RTP3: variants seen among roughly 807,000 people sequenced by gnomAD.
The protein encoded by RTP3 is receptor transporter protein 3.
RTP3 carries 2 observed loss-of-function variants against 6.2 expected under a neutral mutation model. That is an observed-to-expected ratio of 0.32 (90% CI 0.13 to 1.02). The LOEUF (loss-of-function observed/expected upper bound fraction) is 1.02, where lower values mean the gene tolerates loss of function less well. Ranked by LOEUF, RTP3 falls within the 50% of genes least tolerant of loss-of-function variation. The pLI, the probability that RTP3 is intolerant of heterozygous loss-of-function variation, is 0.47. For missense variants in RTP3, 252 were observed against 280.8 expected (o/e 0.90, Z 0.73); for synonymous variants, 106 against 98.3 (o/e 1.08, Z -0.47).
At chr3:46,499,009 C>T (rs1354914697) in intron 1 of RTP3, among the ~76,000 whole-genome samples, 1 of 152,254 alleles carries the variant, frequency 6.6e-6, no homozygotes, top group Non-Finnish European at 1.5e-5. Flanking sequence ...CAGTGGACTT[C>T]TGCTCAGAAC....
At chr3:46,499,440 A>G (rs1170389289) in intron 1 of RTP3, among the ~76,000 whole-genome samples, 1 of 152,200 alleles carries the variant, frequency 6.6e-6, no homozygotes, top group African/African-American at 2.4e-5. Flanking sequence ...CCTCACGGCA[A>G]AGGGGCTGGG....
Position 46,500,865 on chromosome 3 carries a change from T to C in RTP3, c.665T>C (p.Val222Ala). 6.3e-7 allele frequency: 1 copy of C among 1,592,526 alleles called. No individual in the cohort carries two copies. Among genetic ancestry groups the C allele is most frequent in the Non-Finnish European group, 8.5e-7 (1 of 1,171,434 alleles). The change falls in exon 2 of 2, where the codon GTT becomes GCT. Residue 222 changes from valine (V) to alanine (A), a missense_variant. Val to Ala is a moderately conservative substitution (Grantham distance 64, BLOSUM62 0). Coordinates refer to ENST00000296142, the MANE Select transcript of RTP3 (RefSeq NM_031440.2). ...TTCTGCTGTTGTGTCATTCTCATTG[T>C]TATCGTGGTGATTGTTGTAAAAACT... is the stretch of plus-strand genomic sequence containing the variant. ...SIFCCCVILIVIVVIVVKTAI is the reference protein window; with the variant it reads ...SIFCCCVILIAIVVIVVKTAI
rs1703667478 is a variant in RTP3 at position 46,498,025 on chromosome 3, G to A, written c.-38G>A. ...CCACTACAGACCTGCCAGGGCCCAGGAGAGCTCGACCCACCCAGGCACACC... is the reference window on the plus strand; with the variant it reads ...CCACTACAGACCTGCCAGGGCCCAGAAGAGCTCGACCCACCCAGGCACACC... On this transcript the variant is annotated 5_prime_UTR_variant, in exon 1 of 2. Coordinates refer to ENST00000296142, the MANE Select transcript of RTP3 (RefSeq NM_031440.2). 3 of 1,612,642 alleles carry A rather than the reference G, an allele frequency of 1.9e-6. No homozygotes were observed. Among genetic ancestry groups the A allele is most frequent in the African/African-American group, 1.3e-5 (1 of 74,908 alleles).
rs764540036 is a variant in RTP3 at position 46,500,530 on chromosome 3, C to G, written c.330C>G (p.Asn110Lys). Residue 110 changes from asparagine to lysine, a missense_variant, in exon 2 of 2, where the codon AAC becomes AAG. Coordinates refer to ENST00000296142, the MANE Select transcript of RTP3 (RefSeq NM_031440.2). ...AGGACCCTGAGTTCACACAAGAGAA[C>G]ATCTCAAGGATCCTGAAAAACCTGG... ...LFEDPEFTQE[N>K]ISRILKNLVF... 9 of 1,614,220 alleles carry G rather than the reference C, an allele frequency of 5.6e-6. No individual in the cohort carries two copies. In the South Asian group the frequency reaches 9.9e-5, roughly 18 times the overall value.
At chr3:46,498,606 G>A (rs1292199962) in intron 1 of RTP3, among the ~76,000 whole-genome samples, 1 of 152,192 alleles carries the variant, frequency 6.6e-6, no homozygotes, top group Non-Finnish European at 1.5e-5. Flanking sequence ...ACGGCACTGA[G>A]CAGACACCCT....
chr3:46,500,575 A>T lies in RTP3; in HGVS notation c.375A>T (p.Lys125Asn). ...ACCTGGTGTTCCGAATTCTGAAGAA[A>T]TGCTATAGAGGAAGATTTCAGTTGA... ...LKNLVFRILK[K>N]CYRGRFQLIE... The change falls in exon 2 of 2, where the codon AAA (lysine) becomes AAT (asparagine). Residue 125 changes from lysine to asparagine, a missense_variant. Coordinates refer to ENST00000296142, the MANE Select transcript of RTP3 (RefSeq NM_031440.2). The T allele has an allele frequency of 1.2e-6, 2 of 1,614,230 alleles. No homozygotes were observed. The highest frequency in any genetic ancestry group is 1.7e-6 in the Non-Finnish European group (2 of 1,180,046).
chr3:46,499,910 G>A (rs1339385725), intron 1 of RTP3, among the ~76,000 whole-genome samples: 1 of 152,144 alleles, frequency 6.6e-6, no homozygotes, highest in Non-Finnish European at 1.5e-5. Context: ...GGCATTTGTG[G>A]ATTTCAGGGT....
Position 46,498,148 on chromosome 3 carries a change from C to G in RTP3, c.86C>G (p.Pro29Arg), listed in dbSNP as rs372668361. 6.2e-7 allele frequency: 1 copy of G among 1,614,208 alleles called. No homozygotes were observed. Among genetic ancestry groups the G allele is most frequent in the Non-Finnish European group, 8.5e-7 (1 of 1,180,034 alleles). ...VKPWHRWTLR[P>R]DKGLLPNVLK... ...CCATGGCACAGGTGGACCCTGAGAC[C>G]AGACAAGGGCCTTCTTCCCAACGTC... The change falls in exon 1 of 2, where the codon CCA becomes CGA. Residue 29 changes from proline (P) to arginine (R), a missense_variant. Pro to Arg is a moderately radical substitution (Grantham distance 103). Transcript: ENST00000296142.
intron 1 of RTP3, among the ~76,000 whole-genome samples, chr3:46,498,614 C>T (rs1395935197): frequency 1.3e-5 from 2 of 152,174 alleles, no homozygotes; most frequent in African/African-American, 4.8e-5. Flanking sequence ...GAGCAGACAC[C>T]CTCGGGGGAG....
At chr3:46,499,011 G>C (rs1703677578) in intron 1 of RTP3, among the ~76,000 whole-genome samples, 1 of 152,238 alleles carries the variant, frequency 6.6e-6, no homozygotes, top group Non-Finnish European at 1.5e-5. Context: ...GTGGACTTCT[G>C]CTCAGAACAG....
chr3:46,499,001 G>A (rs1703677464), intron 1 of RTP3, among the ~76,000 whole-genome samples: 1 of 152,274 alleles, frequency 6.6e-6, no homozygotes, highest in Admixed American at 6.5e-5. Context: ...GGGGATGGCA[G>A]TGGACTTCTG....
chr3:46,499,865 C>A (rs936406658), intron 1 of RTP3, among the ~76,000 whole-genome samples: 1 of 152,134 alleles, frequency 6.6e-6, no homozygotes, highest in East Asian at 1.9e-4. Context: ...CACCGCCAAC[C>A]CATGAGTCTA....
chr3:46,498,883 A>G (rs988660765), intron 1 of RTP3, among the ~76,000 whole-genome samples: 2 of 152,202 alleles, frequency 1.3e-5, no homozygotes, highest in Non-Finnish European at 2.9e-5. Context: ...GCCTATGGCT[A>G]TCCCAGGCCA....
chr3:46,498,605 A>T (rs1052987350), intron 1 of RTP3, among the ~76,000 whole-genome samples: 10 of 152,294 alleles, frequency 6.6e-5, no homozygotes, highest in Admixed American at 5.2e-4. Context: ...CACGGCACTG[A>T]GCAGACACCC....
In RTP3 at chr3:46,500,413, C is replaced by T. The variant is rs759595771; in HGVS notation, c.213C>T (p.Phe71=). The change falls in exon 2 of 2, where the codon TTC becomes TTT. Residue 71 remains phenylalanine (F), a synonymous_variant. Transcript: ENST00000296142. ...CCTCTGCCCAAGTTCTGGTCCTTTT[C>T]CACATGAACTGGAGTGAGGAGAAGT... ...NWASAQVLVL[F]HMNWSEEKSR... is the part of the protein sequence containing the mutation. 8.7e-6 allele frequency: 14 copies of T among 1,613,966 alleles called. No homozygotes were observed. In the Admixed American group the frequency reaches 2.0e-4, roughly 23 times the overall value.
intron 1 of RTP3, 61 bp downstream of exon 1, chr3:46,498,278 A>G: frequency 1.3e-6 from 2 of 1,572,578 alleles, no homozygotes; most frequent in Non-Finnish European, 1.7e-6. Flanking sequence ...TACTAGGTAT[A>G]CCTGTTACTT....
chr3:46,500,794 C>CT lies in RTP3; in HGVS notation c.595dup (p.Tyr199LeufsTer11). 9.3e-6 allele frequency: 15 copies of CT among 1,614,136 alleles called. No individual in the cohort carries two copies. The highest frequency in any genetic ancestry group is 1.1e-5 in the Non-Finnish European group (13 of 1,180,026). On this transcript the variant is annotated frameshift_variant, in exon 2 of 2. Transcript: ENST00000296142. LOFTEE classifies it low-confidence loss of function (END_TRUNC). ...AGCCCTGGGCCTCAGGAGAGAATGT[C>CT]TATTCCTACGCATGCCAAAACCACA...
At chr3:46,498,374 C>A (rs11130092) in intron 1 of RTP3, among the ~76,000 whole-genome samples, 157 bp downstream of exon 1, 1 of 152,058 alleles carries the variant, frequency 6.6e-6, no homozygotes, top group Non-Finnish European at 1.5e-5. Context: ...CATTAAAGAT[C>A]GTTTTTTCAC....
intron 1 of RTP3, among the ~76,000 whole-genome samples, chr3:46,498,657 G>A (rs1488029103): frequency 6.6e-6 from 1 of 152,194 alleles, no homozygotes; most frequent in Non-Finnish European, 1.5e-5. Context: ...GCAACAGGCA[G>A]CAATCCTGCC....
Sources: gnomAD v4.1 joint callset for allele counts (sites outside exome capture counted in the v4.1 genomes callset) on GRCh38, gnomAD v4.1.1 for gene constraint, MANE v1.5 for transcripts, NCBI Gene and HGNC (gene_info 2026-07-23, HGNC 2026-07-21) for gene names.